The following PRKN variants were observed in gnomAD, a reference collection of about 807,000 sequenced individuals.
PRKN encodes E3 ubiquitin-protein ligase parkin.
A neutral mutation model predicts 59.5 loss-of-function variants in PRKN; 56 were observed. That is an observed-to-expected ratio of 0.94 (90% CI 0.76 to 1.18). The LOEUF (loss-of-function observed/expected upper bound fraction) is 1.18, where lower values mean the gene tolerates loss of function less well. PRKN is among the 50% of genes most tolerant of loss of function. The pLI is 0.00. For missense variants in PRKN, 657 were observed against 596.4 expected, an observed-to-expected ratio of 1.10 and a Z score of -1.06; for synonymous variants, 250 against 222.1, an observed-to-expected ratio of 1.13 and a Z score of -1.12.
At position 162,322,397 on chromosome 6, in the gene PRKN, A is replaced by G. The variant is rs182982532; in HGVS notation, c.172-59632T>C. On this transcript the variant is annotated intron_variant, in intron 2 of 11. Coordinates refer to ENST00000366898, the MANE Select transcript of PRKN (RefSeq NM_004562.3). ...CCCCAAAGTAATCTACAGATTGTCA[A>G]TCAAAATCTTAGAAGATGGTGATAG... is the stretch of plus-strand genomic sequence containing the variant. 1.6e-4 allele frequency among the ~76,000 whole-genome samples: 24 copies of G among 152,262 alleles called. No homozygotes were observed. The East Asian group carries it at 4.4e-3, about 28-fold the overall frequency.
Position 161,518,102 on chromosome 6 carries a change from A to G in PRKN, c.1083+30752T>C, listed in dbSNP as rs1424643459. Among the ~76,000 whole-genome samples, 8 of 152,140 alleles carry G rather than the reference A, an allele frequency of 5.3e-5. No homozygotes were observed. The highest frequency in any genetic ancestry group is 3.3e-4 in the Admixed American group (5 of 15,278). ...CATGTGCGAGTCTAGCTCTCCAGATACCTTAGATGAAGGCCACTGGCCTGG... is the reference window on the plus strand; with the variant it reads ...CATGTGCGAGTCTAGCTCTCCAGATGCCTTAGATGAAGGCCACTGGCCTGG... On this transcript the variant is annotated intron_variant, in intron 9 of 11. Coordinates refer to ENST00000366898, the MANE Select transcript of PRKN (RefSeq NM_004562.3). The surrounding 1 kb of genome is among the most constrained non-coding windows in gnomAD (Gnocchi z 5.0).
chr6:162,129,904 A>G (rs1781277590), intron 4 of PRKN, among the ~76,000 whole-genome samples: 1 of 152,210 alleles, frequency 6.6e-6, no homozygotes, highest in African/African-American at 2.4e-5. Context: ...CAGCTAGATT[A>G]TAGAAGTTAA....
Position 161,457,405 on chromosome 6 carries a change from G to T in PRKN, c.1084-70528C>A, listed in dbSNP as rs528960271. On this transcript the variant is annotated intron_variant, in intron 9 of 11. Transcript: ENST00000366898. The surrounding 1 kb of genome is among the most constrained non-coding windows in gnomAD (Gnocchi z 5.0). Reference sequence around the variant, plus strand: ...TCTACTGAAAACATCAAATAAAAAAGCTACTACTTTAATAGAAATTACCTC... The same window carrying T: ...TCTACTGAAAACATCAAATAAAAAATCTACTACTTTAATAGAAATTACCTC... 2.6e-5 allele frequency among the ~76,000 whole-genome samples: 4 copies of T among 152,222 alleles called. No individual in the cohort carries two copies. The South Asian group carries it at 6.2e-4, about 24-fold the overall frequency.
At chr6:162,154,318 C>CT in intron 4 of PRKN, among the ~76,000 whole-genome samples, 1 of 151,826 alleles carries the variant, frequency 6.6e-6, no homozygotes, top group Non-Finnish European at 1.5e-5. Flanking sequence ...ACACTGAGAA[C>CT]ATCTGGGAGA....
rs138270538 is a variant in PRKN, at chr6:162,280,155, T to C, written c.172-17390A>G. 1.4e-4 allele frequency among the ~76,000 whole-genome samples: 22 copies of C among 152,246 alleles called. 1 individual carries two copies. Among genetic ancestry groups the C allele is most frequent in the Non-Finnish European group, 2.9e-4 (20 of 67,994 alleles). The stretch of plus-strand genomic sequence containing the variant: ...CAGTCTGTGTCTTTTGATTGGGGCA[T>C]TTAAGCCATTTACAATTAAGGTTAA... On this transcript the variant is annotated intron_variant, in intron 2 of 11. Transcript: ENST00000366898.
chr6:162,672,186 T>C (rs958001500), intron 1 of PRKN, among the ~76,000 whole-genome samples: 2 of 152,176 alleles, frequency 1.3e-5, no homozygotes, highest in Admixed American at 6.5e-5. Context: ...AAAAATACAC[T>C]AAAGATGTTG....
rs894494233 is a variant in PRKN, at chr6:161,386,271, A to G, written c.1167+523T>C. 6.6e-6 allele frequency among the ~76,000 whole-genome samples: 1 copy of G among 152,184 alleles called. No homozygotes were observed. The highest frequency in any genetic ancestry group is 1.5e-5 in the Non-Finnish European group (1 of 68,034). On this transcript the variant is annotated intron_variant, in intron 10 of 11. Transcript: ENST00000366898. The surrounding 1 kb of genome is among the most constrained non-coding windows in gnomAD (Gnocchi z 4.3). ...TGCACTTTCCTAAGACTGAGATAGC[A>G]CCTTAGAGAGTGAGGCTCGGCCAAC... is the stretch of plus-strand genomic sequence containing the variant.
chr6:162,016,610 G>A (rs1782943260), intron 5 of PRKN, among the ~76,000 whole-genome samples: 1 of 152,080 alleles, frequency 6.6e-6, no homozygotes, highest in Non-Finnish European at 1.5e-5. Context: ...TTAGATCCAT[G>A]CAAGTTACCC....
At chr6:162,120,939 G>C (rs2128305469) in intron 4 of PRKN, among the ~76,000 whole-genome samples, 1 of 152,286 alleles carries the variant, frequency 6.6e-6, no homozygotes, top group East Asian at 1.9e-4. Context: ...AATTTACTTA[G>C]CTTGTGATTG....
chr6:161,371,415 T>G lies in PRKN; in HGVS notation c.1168-11210A>C, dbSNP rs1380965240. Among the ~76,000 whole-genome samples, 1 of 152,070 alleles carries G rather than the reference T, an allele frequency of 6.6e-6. No homozygotes were observed. The highest frequency in any genetic ancestry group is 1.9e-4 in the East Asian group (1 of 5,144). On this transcript the variant is annotated intron_variant, in intron 10 of 11. Transcript: ENST00000366898. This position sits in a 1 kb window ranked among gnomAD's most constrained non-coding sequence, Gnocchi z 5.5. ...CCTGACCTCAGGTGATCTGCCCGCC[T>G]CCGTCTCCCAAAGTGCTTGGATTAC... is the stretch of plus-strand genomic sequence containing the variant.
intron 2 of PRKN, among the ~76,000 whole-genome samples, chr6:162,331,799 T>G (rs1783587965): frequency 6.6e-6 from 1 of 152,192 alleles, no homozygotes; most frequent in African/African-American, 2.4e-5. Context: ...TTTTCTTTCT[T>G]GCTGACTGAG....
At chr6:162,727,559 T>C in intron 1 of PRKN, 103 bp downstream of exon 1, 1 of 1,280,108 alleles carries the variant, frequency 7.8e-7, no homozygotes, top group Non-Finnish European at 1.1e-6. Context: ...GCCCCGTCAT[T>C]GACAGTTGGC....
chr6:162,079,642 G>A (rs1954936), intron 4 of PRKN, among the ~76,000 whole-genome samples: 121,790 of 151,828 alleles, frequency 0.8, 49,014 homozygotes, highest in Admixed American at 0.87. Flanking sequence ...ACAGCTCAGG[G>A]AGTCTTTTCT....
chr6:162,280,229 T>C (rs1356086192), intron 2 of PRKN, among the ~76,000 whole-genome samples: 1 of 152,182 alleles, frequency 6.6e-6, no homozygotes, highest in African/African-American at 2.4e-5. Flanking sequence ...TAGCTGGTTA[T>C]TTTGCACATT....
At chr6:161,906,434 C>T (rs10945788) in intron 6 of PRKN, among the ~76,000 whole-genome samples, 12,772 of 152,002 alleles carry the variant, frequency 0.084, 815 homozygotes, top group East Asian at 0.33. Flanking sequence ...CTGTGCCTGG[C>T]ACAGGACATG....
At chr6:162,114,493 C>G (rs1021628731) in intron 4 of PRKN, among the ~76,000 whole-genome samples, 1 of 151,740 alleles carries the variant, frequency 6.6e-6, no homozygotes, top group African/African-American at 2.4e-5. Flanking sequence ...AATGGGAGTT[C>G]ACTCATGATT....
chr6:161,570,124 T>TAAA (rs55699586), intron 7 of PRKN, among the ~76,000 whole-genome samples: 6 of 51,412 alleles, frequency 1.2e-4, no homozygotes, highest in South Asian at 7.4e-4. Flanking sequence ...AGTAAATAGG[T>TAAA]AAAAAAAAAA....
At chr6:162,632,301 A>G (rs1583945973) in intron 1 of PRKN, among the ~76,000 whole-genome samples, 1 of 152,252 alleles carries the variant, frequency 6.6e-6, no homozygotes, top group East Asian at 1.9e-4. Flanking sequence ...TGTGGTACAT[A>G]TACACCATGG....
At chr6:162,589,270 T>C (rs537945798) in intron 1 of PRKN, among the ~76,000 whole-genome samples, 129 of 152,316 alleles carry the variant, frequency 8.5e-4, no homozygotes, top group African/African-American at 3.0e-3. Flanking sequence ...TAGACTTTTT[T>C]GCCTTTTTCT....
Sources: allele counts gnomAD v4.1 joint callset (sites outside exome capture counted in the v4.1 genomes callset), GRCh38; gene constraint gnomAD v4.1.1; non-coding constraint Gnocchi (gnomAD v3.1); transcripts MANE v1.5; gene names NCBI Gene and HGNC (gene_info 2026-07-23, HGNC 2026-07-21).